MIGA2: variants seen among roughly 807,000 people sequenced by gnomAD.
The protein encoded by MIGA2 is mitoguardin 2, also known as family with sequence similarity 73, member B.
In MIGA2, 36 loss-of-function variants were observed where a neutral mutation model predicts 69.9. That is an observed-to-expected ratio of 0.52 (90% CI 0.39 to 0.68). The LOEUF is 0.68. Ranked by LOEUF, MIGA2 falls within the 30% of genes least tolerant of loss-of-function variation. The pLI, the probability that MIGA2 is intolerant of heterozygous loss-of-function variation, is 0.00. For synonymous variants in MIGA2, 333 were observed against 349.2 expected, an observed-to-expected ratio of 0.95 and a Z score of 0.52; for missense variants, 660 against 787.7, an observed-to-expected ratio of 0.84 and a Z score of 1.94.
In MIGA2 at chr9:129,069,050, C is replaced by G; in HGVS notation, c.1405-26C>G. The G allele has an allele frequency of 3.1e-6, 5 of 1,613,756 alleles. No homozygotes were observed. Among genetic ancestry groups the G allele is most frequent in the Non-Finnish European group, 3.4e-6 (4 of 1,179,852 alleles). On this transcript the variant is annotated intron_variant, in intron 13 of 15. Transcript: ENST00000684074. The surrounding 1 kb of genome is among the most constrained non-coding windows in gnomAD (Gnocchi z 4.9). ...TGTGGGCTAGGCCCATTTTGACACC[C>G]GGGGGACATCCTATTTTTGATGTAG...
intron 3 of MIGA2, among the ~76,000 whole-genome samples, chr9:129,047,507 G>A (rs1331294454): frequency 6.6e-6 from 1 of 151,884 alleles, no homozygotes; most frequent in Non-Finnish European, 1.5e-5. Flanking sequence ...CCGTGTCCCA[G>A]GTTCAAGCGA....
chr9:129,049,735 C>T (rs1296897957), intron 5 of MIGA2, 92 bp from the exon 6 acceptor site: 2 of 1,594,932 alleles, frequency 1.3e-6, no homozygotes, highest in East Asian at 2.2e-5. Flanking sequence ...TCTTGCCCTT[C>T]AAGGCCCTCC....
In MIGA2 at chr9:129,070,308, T is replaced by C. The variant is rs962642367; in HGVS notation, c.1637T>C (p.Leu546Pro). Residue 546 changes from leucine (L) to proline (P), a missense_variant, in exon 16 of 16, where the codon CTG becomes CCG. Coordinates refer to ENST00000684074, the MANE Select transcript of MIGA2 (RefSeq NM_001329990.2). ...CTGGACAATGTGCGCTACACGTCAC[T>C]GCCCGCGCTGGCAGACGACATCCTG... Reference protein sequence around the residue: ...FDLDNVRYTSLPALADDILQL... With the variant: ...FDLDNVRYTSPPALADDILQL... 3 of 1,613,032 alleles carry C rather than the reference T, an allele frequency of 1.9e-6. No individual in the cohort carries two copies. In the African/African-American group the frequency reaches 4.0e-5, roughly 22 times the overall value.
intron 3 of MIGA2, among the ~76,000 whole-genome samples, chr9:129,046,707 A>G (rs1242039286): frequency 6.6e-6 from 1 of 151,976 alleles, no homozygotes. Flanking sequence ...TCGTTCTCCC[A>G]AAAGTTGGGA....
chr9:129,068,422 A>G lies in MIGA2; in HGVS notation c.1404+90A>G. The G allele has an allele frequency of 1.3e-6, 2 of 1,524,956 alleles. No homozygotes were observed. The highest frequency in any genetic ancestry group is 1.2e-5 in the South Asian group (1 of 85,338). The allele number at this position is 1,524,956 out of a possible 1,614,324, so 94.5% of individuals were successfully genotyped here. A position where few individuals can be genotyped will look rare whatever the true frequency, so the allele number is the denominator to read the frequency against. On this transcript the variant is annotated intron_variant, in intron 13 of 15. Transcript: ENST00000684074. This position sits in a 1 kb window ranked among gnomAD's most constrained non-coding sequence, Gnocchi z 4.1. ...CGTCCCCTCTGTCCCTAGCACTGGC[A>G]CCAGGGCTGGGCCCCCACCCCCTAG... is the stretch of plus-strand genomic sequence containing the variant.
In MIGA2 at chr9:129,060,860, A is replaced by C. The variant is rs951193488; in HGVS notation, c.894+210A>C. 5.9e-5 allele frequency among the ~76,000 whole-genome samples: 9 copies of C among 152,046 alleles called. No homozygotes were observed. Among genetic ancestry groups the C allele is most frequent in the African/African-American group, 2.2e-4 (9 of 41,400 alleles). ...TCCTGTGGGTGAGAGCAGGGGTTCC[A>C]CCCCGAAGGGCTCCAGCCCGTGCTG... On this transcript the variant is annotated intron_variant, in intron 8 of 15. Coordinates refer to ENST00000684074, the MANE Select transcript of MIGA2 (RefSeq NM_001329990.2). The surrounding 1 kb of genome is among the most constrained non-coding windows in gnomAD (Gnocchi z 4.8).
In MIGA2 at chr9:129,069,207, G is replaced by A. The variant is rs1448437804; in HGVS notation, c.1458+78G>A. The A allele has an allele frequency of 6.4e-7, 1 of 1,564,528 alleles. No individual in the cohort carries two copies. Among genetic ancestry groups the A allele is most frequent in the African/African-American group, 1.4e-5 (1 of 73,972 alleles). On this transcript the variant is annotated intron_variant, in intron 14 of 15. Coordinates refer to ENST00000684074, the MANE Select transcript of MIGA2 (RefSeq NM_001329990.2). This position sits in a 1 kb window ranked among gnomAD's most constrained non-coding sequence, Gnocchi z 4.9. ...GTGGGGAGCGGAGCGGGTGCAGGGTGGCTCGCTGGGCCACTTGGCCTTCAC... is the reference window on the plus strand; with the variant it reads ...GTGGGGAGCGGAGCGGGTGCAGGGTAGCTCGCTGGGCCACTTGGCCTTCAC...
intron 6 of MIGA2, among the ~76,000 whole-genome samples, chr9:129,057,710 A>C (rs1265193761): frequency 6.6e-6 from 1 of 151,758 alleles, no homozygotes; most frequent in Non-Finnish European, 1.5e-5. Context: ...GGCTCACATG[A>C]TCCTCCTACC....
In MIGA2 at chr9:129,069,889, A is replaced by G. The variant is rs1163546084; in HGVS notation, c.1499A>G (p.Glu500Gly). The G allele has an allele frequency of 1.2e-6, 2 of 1,613,852 alleles. No individual in the cohort carries two copies. Among genetic ancestry groups the G allele is most frequent in the Non-Finnish European group, 1.7e-6 (2 of 1,179,982 alleles). ...ATCTCCCATTTCTACTCCGTATCGGAGCATGTGAGCCCTGTCCTAGCCTTC... is the reference window on the plus strand; with the variant it reads ...ATCTCCCATTTCTACTCCGTATCGGGGCATGTGAGCCCTGTCCTAGCCTTC... ...GFISHFYSVS[E>G]HVSPVLAFGF... The change falls in exon 15 of 16, where the codon GAG becomes GGG. Residue 500 changes from glutamate to glycine, a missense_variant. Physicochemically the swap from Glu to Gly is moderately conservative, Grantham distance 98. Around this residue, in one of 3 missense-constraint regions of MIGA2, gnomAD observed 220 missense variants for 301.7 expected, o/e 0.73. Transcript: ENST00000684074. The surrounding 1 kb of genome is among the most constrained non-coding windows in gnomAD (Gnocchi z 4.9).
At chr9:129,065,929 G>A (rs1286117218) in intron 11 of MIGA2, among the ~76,000 whole-genome samples, 5 of 152,092 alleles carry the variant, frequency 3.3e-5, no homozygotes, top group Non-Finnish European at 4.4e-5. Context: ...TTCCTCCCCC[G>A]TTATTCAGTT....
At chr9:129,058,880 A>T (rs1479463952) in intron 6 of MIGA2, among the ~76,000 whole-genome samples, 1 of 152,202 alleles carries the variant, frequency 6.6e-6, no homozygotes, top group East Asian at 1.9e-4. Context: ...GCATGTAATC[A>T]ACAGAAAAGA....
At chr9:129,040,848 T>C (rs538163822) in intron 2 of MIGA2, among the ~76,000 whole-genome samples, 158 bp downstream of exon 2, 2 of 152,310 alleles carry the variant, frequency 1.3e-5, no homozygotes, top group East Asian at 3.9e-4. Flanking sequence ...GCTTCAGGCC[T>C]GTTCTTTAGC....
intron 11 of MIGA2, among the ~76,000 whole-genome samples, chr9:129,066,151 A>G (rs1196739003): frequency 1.3e-5 from 2 of 152,160 alleles, no homozygotes; most frequent in African/African-American, 2.4e-5. Flanking sequence ...GGATGAGGAC[A>G]CTGAGCCCAG....
chr9:129,048,289 C>T (rs1845338551), intron 3 of MIGA2, 138 bp from the exon 4 acceptor site: 1 of 738,510 alleles, frequency 1.4e-6, no homozygotes, highest in Non-Finnish European at 2.4e-6. Flanking sequence ...GCCCTTGGGG[C>T]CCCTCTGTTC....
At chr9:129,042,922 C>T (rs919496678) in intron 3 of MIGA2, among the ~76,000 whole-genome samples, 3 of 152,102 alleles carry the variant, frequency 2.0e-5, no homozygotes, top group Non-Finnish European at 4.4e-5. Context: ...AGGCCGGGCG[C>T]GGTGGCTCAC....
At chr9:129,063,472 T>G in intron 10 of MIGA2, 73 bp from the exon 11 acceptor site, 1 of 1,575,238 alleles carries the variant, frequency 6.3e-7, no homozygotes, top group Non-Finnish European at 8.7e-7. Context: ...TGGCCTCTTA[T>G]GTGGCCCTCT....
chr9:129,040,498 C>T lies in MIGA2; in HGVS notation c.-97C>T, dbSNP rs771642526. ...TATGTGTGTCCCTGTCCTTCTGGGG[C>T]GTGGATGGTGCCTGGGACCCAGCTG... On this transcript the variant is annotated 5_prime_UTR_variant, in exon 2 of 16. Transcript: ENST00000684074. The T allele has an allele frequency of 1.2e-5, 18 of 1,485,826 alleles. No individual in the cohort carries two copies. Among genetic ancestry groups the T allele is most frequent in the South Asian group, 2.7e-5 (2 of 73,616 alleles). 92.0% of individuals were successfully genotyped at this position (1,485,826 alleles called of 1,614,324 possible).
Position 129,069,401 on chromosome 9 carries a change from C to T in MIGA2, c.1458+272C>T. 1 of 563,060 alleles carries T rather than the reference C, an allele frequency of 1.8e-6. No homozygotes were observed. The highest frequency in any genetic ancestry group is 2.1e-5 in the South Asian group (1 of 47,062). 34.9% of individuals were successfully genotyped at this position (563,060 alleles called of 1,614,324 possible). On this transcript the variant is annotated intron_variant, in intron 14 of 15. Transcript: ENST00000684074. The surrounding 1 kb of genome is among the most constrained non-coding windows in gnomAD (Gnocchi z 4.9). ...AGTGGCCACAGGGCTGGCAGCTGGC[C>T]TGGTGCAGGCGTCTCGGTGGGGGCA...
At chr9:129,040,978 G>C (rs1327108766) in intron 2 of MIGA2, among the ~76,000 whole-genome samples, 1 of 152,062 alleles carries the variant, frequency 6.6e-6, no homozygotes, top group African/African-American at 2.4e-5. Flanking sequence ...ATCACCTGAG[G>C]TCAGGAGTTC....
Sources: gnomAD v4.1 joint callset for allele counts (sites outside exome capture counted in the v4.1 genomes callset) on GRCh38, gnomAD v4.1.1 for gene constraint, gnomAD v4.1.1 regional missense constraint, Gnocchi (gnomAD v3.1) non-coding constraint, MANE v1.5 for transcripts, NCBI Gene and HGNC (gene_info 2026-07-23, HGNC 2026-07-21) for gene names.